Variants in SDK1 observed in about 807,000 individuals in gnomAD.
SDK1 encodes sidekick cell adhesion molecule 1.
SDK1 carries 157 observed loss-of-function variants against 245.5 expected under a neutral mutation model. The observed-to-expected ratio is 0.64, with a 90% CI of 0.56 to 0.73. The LOEUF (loss-of-function observed/expected upper bound fraction) is 0.73. Ranked by LOEUF, SDK1 falls within the 30% of genes least tolerant of loss-of-function variation. The pLI, the probability that SDK1 is intolerant of heterozygous loss-of-function variation, is 0.00. For synonymous variants in SDK1, 1,647 were observed against 1,278.5 expected, an observed-to-expected ratio of 1.29 and a Z score of -6.15; for missense variants, 3,583 against 3,002.3, an observed-to-expected ratio of 1.19 and a Z score of -4.52.
At chr7:3,484,088 T>G (rs1312761359) in intron 1 of SDK1, among the ~76,000 whole-genome samples, 1 of 152,220 alleles carries the variant, frequency 6.6e-6, no homozygotes, top group Non-Finnish European at 1.5e-5. Context: ...TTGCAGCTAT[T>G]TAAGAAATGC....
At chr7:3,334,069 C>A (rs1244474259) in intron 1 of SDK1, among the ~76,000 whole-genome samples, 1 of 152,196 alleles carries the variant, frequency 6.6e-6, no homozygotes, top group East Asian at 1.9e-4. Flanking sequence ...TGGACCATAC[C>A]ATTTGTGTTT....
chr7:3,371,511 A>G (rs1297077908), intron 1 of SDK1, among the ~76,000 whole-genome samples: 4 of 152,194 alleles, frequency 2.6e-5, no homozygotes, highest in Non-Finnish European at 5.9e-5. Flanking sequence ...TAAGGGGGAA[A>G]AGACTGAGAT....
intron 17 of SDK1, among the ~76,000 whole-genome samples, chr7:4,030,986 C>T (rs1011088847): frequency 5.3e-5 from 8 of 152,158 alleles, no homozygotes; most frequent in African/African-American, 1.7e-4. Flanking sequence ...GACCAGGTTT[C>T]ATAACAGTAG....
chr7:4,205,534 C>T (rs1784166834), intron 35 of SDK1, among the ~76,000 whole-genome samples: 1 of 152,208 alleles, frequency 6.6e-6, no homozygotes, highest in Admixed American at 6.5e-5. Context: ...GGATTACGAT[C>T]TCATACCTTT....
chr7:3,743,302 G>C (rs925348996), intron 4 of SDK1, among the ~76,000 whole-genome samples: 1 of 152,166 alleles, frequency 6.6e-6, no homozygotes, highest in Non-Finnish European at 1.5e-5. Context: ...GGCTTTCTTG[G>C]TGAGGTTTGA....
chr7:3,545,757 T>A (rs1238345070), intron 1 of SDK1, among the ~76,000 whole-genome samples: 1 of 152,204 alleles, frequency 6.6e-6, no homozygotes, highest in Non-Finnish European at 1.5e-5. Flanking sequence ...TTTCTGAGAC[T>A]TCTGGCCGCT....
chr7:3,977,967 C>T (rs1307172851), intron 13 of SDK1, among the ~76,000 whole-genome samples: 2 of 152,200 alleles, frequency 1.3e-5, no homozygotes, highest in Admixed American at 1.3e-4. Context: ...CTGGTTTCCC[C>T]ACCATGGGTA....
At chr7:3,911,255 T>A (rs535084792) in intron 5 of SDK1, among the ~76,000 whole-genome samples, 57 of 152,284 alleles carry the variant, frequency 3.7e-4, no homozygotes, top group Middle Eastern at 6.8e-3. Context: ...TGCTTCTTTG[T>A]CCTCTAGATC....
intron 5 of SDK1, among the ~76,000 whole-genome samples, chr7:3,848,868 C>T (rs1397129494): frequency 6.6e-6 from 1 of 152,104 alleles, no homozygotes; most frequent in Non-Finnish European, 1.5e-5. Flanking sequence ...GACAGGGTTT[C>T]GCCATGTTGA....
intron 39 of SDK1, 119 bp from the exon 40 acceptor site, chr7:4,221,120 A>T: frequency 8.0e-7 from 1 of 1,243,562 alleles, no homozygotes; most frequent in South Asian, 1.5e-5. Context: ...AGGTTAAGTA[A>T]CCTGCCCAGA....
At chr7:3,969,834 C>T (rs1343149985) in intron 11 of SDK1, among the ~76,000 whole-genome samples, 1 of 152,122 alleles carries the variant, frequency 6.6e-6, no homozygotes, top group Non-Finnish European at 1.5e-5. Context: ...ATACACTAAC[C>T]ATCAATGTTT....
intron 1 of SDK1, among the ~76,000 whole-genome samples, chr7:3,475,842 T>C (rs1781333645): frequency 6.6e-6 from 1 of 152,214 alleles, no homozygotes; most frequent in Non-Finnish European, 1.5e-5. Flanking sequence ...CCTCTCTGGC[T>C]CTCTGTGGCA....
Position 3,635,635 on chromosome 7 carries a change from TG to T in SDK1, c.459-3366del, listed in dbSNP as rs577893405. 7.9e-5 allele frequency among the ~76,000 whole-genome samples: 12 copies of T among 152,310 alleles called. 1 individual carries two copies. The highest frequency in any genetic ancestry group is 3.4e-3 in the Middle Eastern group (1 of 294). ...AGTATTACTGGAACATCTTTTTGGG[TG>T]GGTAAAGTGTACCGTCACTCTGTTT... On this transcript the variant is annotated intron_variant, in intron 2 of 44. Transcript: ENST00000404826.
At chr7:4,262,718 C>A (rs1475111337) in intron 44 of SDK1, among the ~76,000 whole-genome samples, 4 of 131,152 alleles carry the variant, frequency 3.0e-5, no homozygotes. Context: ...CCTCCCCCAT[C>A]CCCTCCCTTC....
At chr7:3,839,360 T>A (rs1001610982) in intron 5 of SDK1, among the ~76,000 whole-genome samples, 2 of 152,148 alleles carry the variant, frequency 1.3e-5, no homozygotes, top group Non-Finnish European at 2.9e-5. Flanking sequence ...GCCAGAGAGC[T>A]TAGAATTCTT....
At chr7:4,241,718 G>C in intron 42 of SDK1, 75 bp from the exon 43 acceptor site, 1 of 1,591,018 alleles carries the variant, frequency 6.3e-7, no homozygotes. Context: ...TGCCCCGCTG[G>C]CCAGCTCTGG....
intron 15 of SDK1, among the ~76,000 whole-genome samples, 185 bp downstream of exon 15, chr7:4,011,298 TG>T (rs555414706): frequency 1.3e-5 from 2 of 152,250 alleles, no homozygotes; most frequent in Non-Finnish European, 2.9e-5. Context: ...CAGACTTAGC[TG>T]GGCCTTCCTT....
intron 9 of SDK1, among the ~76,000 whole-genome samples, chr7:3,963,924 G>A (rs1443739989): frequency 4.0e-5 from 6 of 151,618 alleles, no homozygotes; most frequent in East Asian, 2.0e-4. Context: ...TGACCTGGAC[G>A]TATCCAGTGA....
intron 4 of SDK1, among the ~76,000 whole-genome samples, chr7:3,664,461 G>A (rs957020723): frequency 5.3e-5 from 8 of 152,014 alleles, no homozygotes; most frequent in African/African-American, 1.7e-4. Flanking sequence ...ACTAGCATCC[G>A]GGCACAGTGG....
Sources: gnomAD v4.1 joint callset for allele counts (sites outside exome capture counted in the v4.1 genomes callset) on GRCh38, gnomAD v4.1.1 for gene constraint, MANE v1.5 for transcripts, NCBI Gene and HGNC (gene_info 2026-07-23, HGNC 2026-07-21) for gene names.